The following PRR16 variants were observed in gnomAD, a reference collection of about 807,000 sequenced individuals.
PRR16 encodes the protein protein Largen.
In PRR16, 6 loss-of-function variants were observed where a neutral mutation model predicts 18.2. That is an observed-to-expected ratio of 0.33 (90% CI 0.18 to 0.65). PRR16 has a LOEUF of 0.65. PRR16 is among the 30% of genes least tolerant of loss of function. The probability of loss-of-function intolerance (pLI) is 0.74; values close to 1 mark genes in which losing one functional copy is unlikely to be tolerated. For synonymous variants in PRR16, 151 were observed against 147.8 expected, an observed-to-expected ratio of 1.02 and a Z score of -0.16; for missense variants, 412 against 376.6, an observed-to-expected ratio of 1.09 and a Z score of -0.78.
chr5:120,667,056 C>G (rs1756405797), intron 1 of PRR16, among the ~76,000 whole-genome samples: 1 of 151,776 alleles, frequency 6.6e-6, no homozygotes, highest in Non-Finnish European at 1.5e-5. Context: ...CCTTGTACCT[C>G]TGGTAGAATT....
rs116247549 is a variant in PRR16 at position 120,604,831 on chromosome 5, C to A, written c.160-81123C>A. ...GGATATGAAATTCTTTGTTGGAATGCTTTTTGTTAAGGATGCTGAATATAG... is the reference window on the plus strand; with the variant it reads ...GGATATGAAATTCTTTGTTGGAATGATTTTTGTTAAGGATGCTGAATATAG... On this transcript the variant is annotated intron_variant, in intron 1 of 1. Coordinates refer to ENST00000407149, the MANE Select transcript of PRR16 (RefSeq NM_001300783.2). 5.8e-3 allele frequency among the ~76,000 whole-genome samples: 878 copies of A among 152,208 alleles called. 11 individuals are homozygous for A. Among genetic ancestry groups the A allele is most frequent in the African/African-American group, 0.02 (833 of 41,554 alleles).
intron 1 of PRR16, among the ~76,000 whole-genome samples, chr5:120,646,075 T>TATATATATATATATATATATA (rs1755591681): frequency 1.4e-5 from 2 of 141,680 alleles, no homozygotes; most frequent in African/African-American, 2.6e-5. Context: ...TATATATATA[T>TATATATATATATATATATATA]CATAGTTTCA....
At chr5:120,533,008 A>G (rs1282041397) in intron 1 of PRR16, among the ~76,000 whole-genome samples, 1 of 152,086 alleles carries the variant, frequency 6.6e-6, no homozygotes, top group African/African-American at 2.4e-5. Flanking sequence ...CAGGCAGATT[A>G]TTGCTTCCTT....
In PRR16 at chr5:120,656,627, T is replaced by C. The variant is rs900858185; in HGVS notation, c.160-29327T>C. On this transcript the variant is annotated intron_variant, in intron 1 of 1. Coordinates refer to ENST00000407149, the MANE Select transcript of PRR16 (RefSeq NM_001300783.2). ...ACACATTTCAGTTAACATATTTATG[T>C]ACACCTTGCCAAAGTAGCTTTTTAC... Among the ~76,000 whole-genome samples, 2 of 152,124 alleles carry C rather than the reference T, an allele frequency of 1.3e-5. 1 individual carries two copies. Among genetic ancestry groups the C allele is most frequent in the Middle Eastern group, 6.8e-3 (2 of 294 alleles).
the PRR16 span, among the ~76,000 whole-genome samples, chr5:120,771,071 T>C: frequency 6.6e-6 from 1 of 152,010 alleles, no homozygotes; most frequent in East Asian, 1.9e-4. Flanking sequence ...TCATTTCTGG[T>C]ACCTTGTATT....
Position 120,464,568 on chromosome 5 carries a change from G to T in PRR16, c.82G>T (p.Glu28Ter). The T allele has an allele frequency of 6.3e-7, 1 of 1,589,432 alleles. No individual in the cohort carries two copies. Among genetic ancestry groups the T allele is most frequent in the Non-Finnish European group, 8.5e-7 (1 of 1,175,930 alleles). Residue 28 changes from glutamate (E) to a stop codon, truncating the protein, a stop_gained, in exon 1 of 2, where the codon GAA becomes TAA. Coordinates refer to ENST00000407149, the MANE Select transcript of PRR16 (RefSeq NM_001300783.2). LOFTEE classifies it high-confidence loss of function. Reference sequence around the variant, plus strand: ...GGCAGCCTCCAAAACCAAGGTGAAGGAACAGATCAAGATCATCGTGGAGGA... The same window carrying T: ...GGCAGCCTCCAAAACCAAGGTGAAGTAACAGATCAAGATCATCGTGGAGGA... ...PPAASKTKVK[E>*]QIKIIVEDLE... is the part of the protein sequence containing the mutation.
intron 1 of PRR16, among the ~76,000 whole-genome samples, chr5:120,621,607 TG>T (rs1314285978): frequency 1.3e-5 from 2 of 152,040 alleles, no homozygotes; most frequent in Non-Finnish European, 2.9e-5. Context: ...AGAGACCAGG[TG>T]GGGGTAAATG....
At chr5:120,777,691 GATTTATTTCATTAT>G in the PRR16 span, among the ~76,000 whole-genome samples, 1 of 152,062 alleles carries the variant, frequency 6.6e-6, no homozygotes, top group Non-Finnish European at 1.5e-5. Flanking sequence ...GAGGCCTTCT[GATTTATTTCATTAT>G]ACATACCACA....
At chr5:120,696,955 C>T in the PRR16 span, among the ~76,000 whole-genome samples, 1 of 129,210 alleles carries the variant, frequency 7.7e-6, no homozygotes, top group Non-Finnish European at 1.6e-5. Flanking sequence ...ATATATTGTG[C>T]TTAAAATTTG....
the PRR16 span, among the ~76,000 whole-genome samples, chr5:120,745,346 A>G: frequency 6.6e-6 from 1 of 152,182 alleles, no homozygotes; most frequent in Non-Finnish European, 1.5e-5. Context: ...CAAAATCATT[A>G]AGATCAACCA....
chr5:120,484,294 A>C lies in PRR16; in HGVS notation c.159+19649A>C, dbSNP rs556096456. ...AAAAAAGAAAATAAATATATGTCTTATGTATAATATATAATATATAATTTA... is the reference window on the plus strand; with the variant it reads ...AAAAAAGAAAATAAATATATGTCTTCTGTATAATATATAATATATAATTTA... On this transcript the variant is annotated intron_variant, in intron 1 of 1. Coordinates refer to ENST00000407149, the MANE Select transcript of PRR16 (RefSeq NM_001300783.2). Among the ~76,000 whole-genome samples the C allele has an allele frequency of 3.8e-3, 556 of 147,652 alleles. 4 individuals are homozygous for C. Among genetic ancestry groups the C allele is most frequent in the African/African-American group, 0.013 (536 of 40,762 alleles).
At chr5:120,496,216 T>C (rs574980216) in intron 1 of PRR16, among the ~76,000 whole-genome samples, 2 of 152,180 alleles carry the variant, frequency 1.3e-5, no homozygotes, top group East Asian at 3.9e-4. Context: ...GATTTTTGTA[T>C]CTGTAGATAT....
chr5:120,576,927 CTT>C (rs1284285861), intron 1 of PRR16, among the ~76,000 whole-genome samples: 4 of 152,020 alleles, frequency 2.6e-5, no homozygotes, highest in Non-Finnish European at 5.9e-5. Context: ...CTCTCTCTCT[CTT>C]ACATATAAAT....
intron 1 of PRR16, among the ~76,000 whole-genome samples, chr5:120,506,322 G>A (rs143224818): frequency 6.6e-6 from 1 of 151,354 alleles, no homozygotes; most frequent in African/African-American, 2.4e-5. Context: ...ATAAATTCTT[G>A]CATAACAATA....
At chr5:120,497,107 T>G (rs1190372817) in intron 1 of PRR16, among the ~76,000 whole-genome samples, 1 of 152,194 alleles carries the variant, frequency 6.6e-6, no homozygotes, top group Non-Finnish European at 1.5e-5. Context: ...AGCTGAGGCT[T>G]GTTTCACGGC....
intron 1 of PRR16, among the ~76,000 whole-genome samples, chr5:120,505,144 C>G (rs80356017): frequency 6.6e-6 from 1 of 152,116 alleles, no homozygotes; most frequent in Non-Finnish European, 1.5e-5. Flanking sequence ...TTTCTTCTCC[C>G]TTTCCAAACA....
chr5:120,464,341 G>A lies in PRR16; in HGVS notation c.-146G>A. 1.2e-6 allele frequency: 1 copy of A among 847,776 alleles called. No individual in the cohort carries two copies. The highest frequency in any genetic ancestry group is 1.6e-6 in the Non-Finnish European group (1 of 609,474). The allele number at this position is 847,776 out of a possible 1,614,324, so 52.5% of individuals were successfully genotyped here. A position where few individuals can be genotyped will look rare whatever the true frequency, so the allele number is the denominator to read the frequency against. On this transcript the variant is annotated 5_prime_UTR_variant, in exon 1 of 2. Transcript: ENST00000407149. Reference sequence around the variant, plus strand: ...ACTGTGCGGCCGCCCGGCCGAGCGCGGAGCGCAGCCACTCGCCGCTGCCCA... The same window carrying A: ...ACTGTGCGGCCGCCCGGCCGAGCGCAGAGCGCAGCCACTCGCCGCTGCCCA...
the PRR16 span, among the ~76,000 whole-genome samples, chr5:120,792,343 T>G: frequency 6.6e-6 from 1 of 152,150 alleles, no homozygotes; most frequent in Non-Finnish European, 1.5e-5. Context: ...GTGTCTAAAA[T>G]TTTCTTTGAA....
At chr5:120,547,747 T>G (rs1225792956) in intron 1 of PRR16, among the ~76,000 whole-genome samples, 6 of 152,086 alleles carry the variant, frequency 3.9e-5, no homozygotes, top group African/African-American at 7.2e-5. Context: ...CCTTTCATAC[T>G]GTGAGACTTG....
Sources: allele counts gnomAD v4.1 joint callset (sites outside exome capture counted in the v4.1 genomes callset), GRCh38; gene constraint gnomAD v4.1.1; transcripts MANE v1.5; gene names NCBI Gene and HGNC (gene_info 2026-07-23, HGNC 2026-07-21).